CAPN7: variants seen among roughly 807,000 people sequenced by gnomAD.
The protein encoded by CAPN7 is calpain-7.
A neutral mutation model predicts 115.2 loss-of-function variants in CAPN7; 72 were observed. The ratio of observed to expected loss-of-function variants is 0.63; its 90% CI spans 0.52 to 0.76. The LOEUF (loss-of-function observed/expected upper bound fraction) is 0.76. Among genes scored for constraint, CAPN7 ranks in the 30% least tolerant of loss-of-function variants. CAPN7 has a pLI of 0.00. For missense variants in CAPN7, 905 were observed against 971.5 expected (o/e 0.93, Z 0.91); for synonymous variants, 344 against 322.3 (o/e 1.07, Z -0.72).
rs750717261 is a variant in CAPN7 at position 15,235,109 on chromosome 3, A to C, written c.1371A>C (p.Thr457=). The C allele has an allele frequency of 6.2e-7, 1 of 1,613,474 alleles. No individual in the cohort carries two copies. Among genetic ancestry groups the C allele is most frequent in the Non-Finnish European group, 8.5e-7 (1 of 1,179,676 alleles). Residue 457 remains threonine, a synonymous_variant, in exon 12 of 21, where the codon ACA becomes ACC. Transcript: ENST00000253693. ...GAGAGAAGTGGGGTCTGGTTCCCAC[A>C]CACGCATATGCTGTTTTGGATATTA... ...AEGEKWGLVP[T]HAYAVLDIRE... is the part of the protein sequence containing the mutation.
chr3:15,245,728 T>C, intron 17 of CAPN7, 57 bp downstream of exon 17: 1 of 1,453,072 alleles, frequency 6.9e-7, no homozygotes, highest in Non-Finnish European at 9.3e-7. Context: ...TGTAATATGC[T>C]CTGCTTTGTA....
intron 12 of CAPN7, among the ~76,000 whole-genome samples, chr3:15,235,636 C>T (rs372375028): frequency 1.3e-5 from 2 of 152,238 alleles, no homozygotes; most frequent in South Asian, 4.2e-4. Context: ...GGGAACACAG[C>T]TTAGATCTTT....
rs182740939 is a variant in CAPN7, at chr3:15,230,526, C to T, written c.1023C>T (p.Val341=). 6.2e-7 allele frequency: 1 copy of T among 1,602,496 alleles called. No individual in the cohort carries two copies. Among genetic ancestry groups the T allele is most frequent in the East Asian group, 2.2e-5 (1 of 44,706 alleles). ...TGGTAAAACTTCACCTCAATGGTGT[C>T]CCAAGAAAGGTGAATAATGTCTCTC... is the stretch of plus-strand genomic sequence containing the variant. The part of the protein sequence containing the change: ...KYMVKLHLNG[V]PRKVIIDDQL... The change falls in exon 9 of 21, where the codon GTC becomes GTT. Residue 341 remains valine, a synonymous_variant. Transcript: ENST00000253693.
chr3:15,233,805 G>A (rs1467278894), intron 10 of CAPN7, 62 bp from the exon 11 acceptor site: 7 of 860,914 alleles, frequency 8.1e-6, no homozygotes, highest in Middle Eastern at 2.2e-4. Flanking sequence ...TGTAATAGCT[G>A]CTCTGGGGAT....
At position 15,206,428 on chromosome 3, in the gene CAPN7, C is replaced by T. The variant is rs1406596229; in HGVS notation, c.-68C>T. 1 of 1,251,932 alleles carries T rather than the reference C, an allele frequency of 8.0e-7. No individual in the cohort carries two copies. The highest frequency in any genetic ancestry group is 1.1e-6 in the Non-Finnish European group (1 of 893,756). The allele number at this position is 1,251,932 out of a possible 1,614,324, so 77.6% of individuals were successfully genotyped here. A position where few individuals can be genotyped will look rare whatever the true frequency, so the allele number is the denominator to read the frequency against. On this transcript the variant is annotated 5_prime_UTR_variant, in exon 1 of 21. Coordinates refer to ENST00000253693, the MANE Select transcript of CAPN7 (RefSeq NM_014296.3). ...CCGAGTCCTCGCCGCCGCCGGGCCGCCGCAGTCCGCGAAGAGCCGTCCTGC... is the reference window on the plus strand; with the variant it reads ...CCGAGTCCTCGCCGCCGCCGGGCCGTCGCAGTCCGCGAAGAGCCGTCCTGC...
intron 2 of CAPN7, among the ~76,000 whole-genome samples, chr3:15,214,471 C>T (rs1417413234): frequency 1.3e-5 from 2 of 151,946 alleles, no homozygotes; most frequent in Non-Finnish European, 2.9e-5. Flanking sequence ...GCCTGTAATC[C>T]CAGCACTTTG....
rs911537581 is a variant in CAPN7 at position 15,235,277 on chromosome 3, A to G, written c.1407+132A>G. The G allele has an allele frequency of 1.2e-4, 91 of 734,346 alleles. No homozygotes were observed. In the Middle Eastern group the frequency reaches 1.3e-3, roughly 11 times the overall value. The allele number at this position is 734,346 out of a possible 1,614,324, so 45.5% of individuals were successfully genotyped here. On this transcript the variant is annotated intron_variant, in intron 12 of 20. Transcript: ENST00000253693. ...GGAGTTTATAAACCATTTCACCTACATTAACTTGATCTCTACCGTTGAAAA... is the reference window on the plus strand; with the variant it reads ...GGAGTTTATAAACCATTTCACCTACGTTAACTTGATCTCTACCGTTGAAAA...
Position 15,206,526 on chromosome 3 carries a change from G to A in CAPN7, c.31G>A (p.Val11Met), listed in dbSNP as rs1232792515. Residue 11 changes from valine to methionine, a missense_variant, in exon 1 of 21, where the codon GTG (valine) becomes ATG (methionine). By Grantham distance (21) the Val-to-Met change is conservative. This residue lies in a region of CAPN7 where 271 missense variants were observed against 239.6 expected (regional missense o/e 1.13). Coordinates refer to ENST00000253693, the MANE Select transcript of CAPN7 (RefSeq NM_014296.3). ...CGCCACAGCACTGGAGCGGGACGCT[G>A]TGCAGTTCGCCCGTCTGGCGGTTCA... MDATALERDA[V>M]QFARLAVQRD... 7.1e-6 allele frequency: 11 copies of A among 1,555,202 alleles called. No individual in the cohort carries two copies. The highest frequency in any genetic ancestry group is 9.6e-6 in the Non-Finnish European group (11 of 1,149,916).
chr3:15,210,873 A>T, intron 1 of CAPN7: 1 of 1,289,472 alleles, frequency 7.8e-7, no homozygotes, highest in Non-Finnish European at 1.0e-6. Flanking sequence ...ATCTTTGGAA[A>T]CAGGCATGAT....
intron 11 of CAPN7, among the ~76,000 whole-genome samples, chr3:15,234,747 G>A (rs779931888): frequency 7.2e-5 from 11 of 152,038 alleles, no homozygotes; most frequent in African/African-American, 1.2e-4. Flanking sequence ...GGTATTTCAC[G>A]TCTTTATTTT....
At position 15,235,142 on chromosome 3, in the gene CAPN7, C is replaced by T. The variant is rs748798137; in HGVS notation, c.1404C>T (p.Phe468=). Reference sequence around the variant, plus strand: ...ATGCTGTTTTGGATATTAGAGAGTTCAAGGTTTTGCCTTAAATCTTTTTCT... The same window carrying T: ...ATGCTGTTTTGGATATTAGAGAGTTTAAGGTTTTGCCTTAAATCTTTTTCT... ...HAYAVLDIRE[F]KGLRFIQLKN... The change falls in exon 12 of 21, where the codon TTC becomes TTT. Residue 468 remains phenylalanine (F), a synonymous_variant. Transcript: ENST00000253693. The T allele has an allele frequency of 6.3e-7, 1 of 1,592,948 alleles. No homozygotes were observed. Among genetic ancestry groups the T allele is most frequent in the South Asian group, 1.2e-5 (1 of 86,580 alleles).
At chr3:15,223,897 A>G (rs908822200) in intron 6 of CAPN7, among the ~76,000 whole-genome samples, 2 of 152,230 alleles carry the variant, frequency 1.3e-5, no homozygotes, top group Non-Finnish European at 2.9e-5. Flanking sequence ...GAAAAGGGGA[A>G]TGGAATGATG....
In CAPN7 at chr3:15,229,101, C is replaced by T. The variant is rs1337902433; in HGVS notation, c.938+42C>T. On this transcript the variant is annotated intron_variant, in intron 8 of 20. Transcript: ENST00000253693. ...CTTTACCTCTTTTTGTGTAATTGTC[C>T]CTTAACTAGAAATTTAAAACTTAAG... 2.9e-6 allele frequency: 4 copies of T among 1,400,744 alleles called. No homozygotes were observed. In the East Asian group the frequency reaches 6.9e-5, roughly 24 times the overall value. 86.8% of individuals were successfully genotyped at this position (1,400,744 alleles called of 1,614,324 possible). A position where few individuals can be genotyped will look rare whatever the true frequency, so the allele number is the denominator to read the frequency against.
chr3:15,229,219 C>T (rs563431918), intron 8 of CAPN7, among the ~76,000 whole-genome samples, 160 bp downstream of exon 8: 315 of 152,184 alleles, frequency 2.1e-3, no homozygotes, highest in African/African-American at 7.0e-3. Context: ...TGGAAAGATA[C>T]GCTAAAACAG....
intron 10 of CAPN7, 77 bp downstream of exon 10, chr3:15,232,742 A>G: frequency 6.9e-6 from 9 of 1,298,348 alleles, no homozygotes; most frequent in Admixed American, 2.7e-5. Flanking sequence ...AAAATTCTAG[A>G]TAGTCTTTTT....
At chr3:15,222,182 A>G (rs186463239) in intron 5 of CAPN7, among the ~76,000 whole-genome samples, 2 of 152,070 alleles carry the variant, frequency 1.3e-5, no homozygotes, top group East Asian at 3.9e-4. Context: ...CGGGGGTTAT[A>G]GCGTGTCTGA....
At chr3:15,247,555 A>G in intron 19 of CAPN7, 98 bp downstream of exon 19, 1 of 903,428 alleles carries the variant, frequency 1.1e-6, no homozygotes, top group Non-Finnish European at 1.6e-6. Flanking sequence ...ATATATGGAC[A>G]TTGGATTTAT....
chr3:15,248,626 T>G (rs930349452), intron 19 of CAPN7, among the ~76,000 whole-genome samples: 1 of 152,194 alleles, frequency 6.6e-6, no homozygotes, highest in Non-Finnish European at 1.5e-5. Context: ...GTTTATTCAC[T>G]TTGCAAATGA....
chr3:15,250,692 C>T (rs548673296), intron 19 of CAPN7, among the ~76,000 whole-genome samples: 42 of 152,084 alleles, frequency 2.8e-4, no homozygotes, highest in Non-Finnish European at 3.2e-4. Flanking sequence ...AAATATTTCC[C>T]GGGGAGCCCA....
Sources: allele counts gnomAD v4.1 joint callset (sites outside exome capture counted in the v4.1 genomes callset), GRCh38; gene constraint gnomAD v4.1.1; regional missense constraint gnomAD v4.1.1; transcripts MANE v1.5; gene names NCBI Gene and HGNC (gene_info 2026-07-23, HGNC 2026-07-21).